Variants in MAPK8IP3 observed in about 807,000 individuals in gnomAD.
The protein encoded by MAPK8IP3 is C-Jun-amino-terminal kinase-interacting protein 3.
Under a neutral mutation model 157.8 loss-of-function variants are expected in MAPK8IP3, and 49 were observed. The observed-to-expected ratio is 0.31, with a 90% CI of 0.25 to 0.39. The LOEUF (loss-of-function observed/expected upper bound fraction) is 0.39. Ranked by LOEUF, MAPK8IP3 falls within the 10% of genes least tolerant of loss-of-function variation. The probability of loss-of-function intolerance (pLI) is 1.00; values close to 1 mark genes in which losing one functional copy is unlikely to be tolerated. For missense variants in MAPK8IP3, 1,478 were observed against 1,889.4 expected (o/e 0.78, Z 4.04); for synonymous variants, 897 against 777.7 (o/e 1.15, Z -2.55).
intron 1 of MAPK8IP3, among the ~76,000 whole-genome samples, chr16:1,716,895 TAA>T: frequency 6.6e-6 from 1 of 151,642 alleles, no homozygotes; most frequent in Non-Finnish European, 1.5e-5. Flanking sequence ...CCATCTTTAC[TAA>T]AAATAAAAAA....
intron 8 of MAPK8IP3, among the ~76,000 whole-genome samples, chr16:1,755,539 C>T (rs1314084375): frequency 6.6e-6 from 1 of 151,934 alleles, no homozygotes; most frequent in Non-Finnish European, 1.5e-5. Flanking sequence ...ATAAGAACGT[C>T]AACAAAGGAT....
chr16:1,744,445 G>T, intron 5 of MAPK8IP3: 1 of 985,892 alleles, frequency 1.0e-6, no homozygotes, highest in Non-Finnish European at 1.2e-6. Context: ...CCCACCTGCT[G>T]CTGCGCTGCT....
intron 9 of MAPK8IP3, 109 bp downstream of exon 9, chr16:1,758,268 A>C (rs2041734884): frequency 3.1e-6 from 4 of 1,293,318 alleles, no homozygotes; most frequent in Non-Finnish European, 4.4e-6. Context: ...ACTGCCCCCC[A>C]CGTCGCCGCA....
intron 6 of MAPK8IP3, among the ~76,000 whole-genome samples, chr16:1,747,577 C>G (rs2041041781): frequency 6.6e-6 from 1 of 152,222 alleles, no homozygotes; most frequent in Non-Finnish European, 1.5e-5. Flanking sequence ...ACCACGTGAC[C>G]TCATTTTACC....
rs1391178299 is a variant in MAPK8IP3, at chr16:1,767,696, C to G, written c.3370C>G (p.Gln1124Glu). ...LYHAHTHQHLQDVDIEPYVSK... is the reference protein window; with the variant it reads ...LYHAHTHQHLEDVDIEPYVSK... Reference sequence around the variant, plus strand: ...CCATGCACACACGCACCAGCATCTACAGGACGTGGACATTGAGCCCTACGT... The same window carrying G: ...CCATGCACACACGCACCAGCATCTAGAGGACGTGGACATTGAGCCCTACGT... The change falls in exon 27 of 32, where the codon CAG (glutamine) becomes GAG (glutamate). Residue 1124 changes from glutamine (Q) to glutamate (E), a missense_variant. Around this residue, in one of 11 missense-constraint regions of MAPK8IP3, gnomAD observed 68 missense variants for 125.1 expected, o/e 0.54. Coordinates refer to ENST00000610761, the MANE Select transcript of MAPK8IP3 (RefSeq NM_001318852.2). 1.2e-6 allele frequency: 2 copies of G among 1,612,670 alleles called. No individual in the cohort carries two copies. Among genetic ancestry groups the G allele is most frequent in the Non-Finnish European group, 1.7e-6 (2 of 1,179,970 alleles).
chr16:1,767,530 C>T (rs2042343705), intron 26 of MAPK8IP3, 34 bp from the exon 27 acceptor site: 1 of 1,601,832 alleles, frequency 6.2e-7, no homozygotes, highest in Non-Finnish European at 8.5e-7. Context: ...TCTCCTCTCC[C>T]CAGCCCTGTT....
chr16:1,753,272 T>C (rs1048061122), intron 8 of MAPK8IP3, among the ~76,000 whole-genome samples: 2 of 152,092 alleles, frequency 1.3e-5, no homozygotes, highest in African/African-American at 2.4e-5. Flanking sequence ...ATTTTAAGAC[T>C]TTTTTGTTTG....
chr16:1,743,541 G>A lies in MAPK8IP3; in HGVS notation c.747+65G>A, dbSNP rs1298089300. ...TTGCTGGTGTTCCCCGTTCACTGGGGCGGGAGCCTCGTCTGCAGGCAGCCC... is the reference window on the plus strand; with the variant it reads ...TTGCTGGTGTTCCCCGTTCACTGGGACGGGAGCCTCGTCTGCAGGCAGCCC... On this transcript the variant is annotated intron_variant, in intron 5 of 31. Transcript: ENST00000610761. This position sits in a 1 kb window ranked among gnomAD's most constrained non-coding sequence, Gnocchi z 5.6. The A allele has an allele frequency of 1.3e-6, 2 of 1,563,440 alleles. No homozygotes were observed. The highest frequency in any genetic ancestry group is 1.7e-6 in the Non-Finnish European group (2 of 1,163,426).
At chr16:1,748,979 C>T in intron 8 of MAPK8IP3, 2 of 601,906 alleles carry the variant, frequency 3.3e-6, no homozygotes, top group South Asian at 1.5e-5. Flanking sequence ...TTTGCACCCT[C>T]CCGTGTACTC....
chr16:1,750,989 T>TG (rs2041256402), intron 8 of MAPK8IP3, among the ~76,000 whole-genome samples: 1 of 151,984 alleles, frequency 6.6e-6, no homozygotes, highest in African/African-American at 2.4e-5. Flanking sequence ...CCATGGCCCA[T>TG]GGCCCACAGA....
At chr16:1,765,519 C>G (rs568604080) in intron 20 of MAPK8IP3, among the ~76,000 whole-genome samples, 158 of 152,296 alleles carry the variant, frequency 1.0e-3, no homozygotes, top group African/African-American at 3.8e-3. Context: ...CCAGTTGGGC[C>G]GAAGGGGCTA....
intron 4 of MAPK8IP3, among the ~76,000 whole-genome samples, chr16:1,739,544 G>A (rs1397079457): frequency 3.7e-4 from 50 of 134,468 alleles, no homozygotes; most frequent in African/African-American, 1.2e-3. Flanking sequence ...GTGACCATCC[G>A]TGTGAGCATC....
At chr16:1,767,991 A>G in intron 28 of MAPK8IP3, 73 bp downstream of exon 28, 1 of 1,609,214 alleles carries the variant, frequency 6.2e-7, no homozygotes, top group Non-Finnish European at 8.5e-7. Context: ...GTGGCTCTGC[A>G]GGGCCACCTT....
chr16:1,720,574 A>G (rs1186962109), intron 1 of MAPK8IP3, among the ~76,000 whole-genome samples: 2 of 152,190 alleles, frequency 1.3e-5, no homozygotes, highest in African/African-American at 4.8e-5. Flanking sequence ...ACACATACAA[A>G]TCCAGAAGCA....
chr16:1,736,253 T>C (rs1199645056), intron 4 of MAPK8IP3, among the ~76,000 whole-genome samples: 54 of 69,408 alleles, frequency 7.8e-4, no homozygotes, highest in East Asian at 2.2e-3. Context: ...AGCGTGTGAC[T>C]GTCCGTGTGA....
intron 4 of MAPK8IP3, among the ~76,000 whole-genome samples, chr16:1,737,700 A>G (rs1316720619): frequency 1.4e-5 from 1 of 70,420 alleles, no homozygotes; most frequent in Non-Finnish European, 2.5e-5. Context: ...GTGACCATCC[A>G]TGTGAGCATC....
Position 1,768,934 on chromosome 16 carries a change from A to C in MAPK8IP3, c.*110A>C. 4.6e-6 allele frequency: 6 copies of C among 1,290,510 alleles called. No homozygotes were observed. The highest frequency in any genetic ancestry group is 5.4e-6 in the Non-Finnish European group (5 of 933,708). 79.9% of individuals were successfully genotyped at this position (1,290,510 alleles called of 1,614,324 possible). ...GCCGCCGCCCCTCTTCTAACCTCTC[A>C]ACCTGCAGCTTTCACCTGAGTCTGG... On this transcript the variant is annotated 3_prime_UTR_variant, in exon 32 of 32. Transcript: ENST00000610761.
At chr16:1,717,235 C>CAA (rs1169533483) in intron 1 of MAPK8IP3, among the ~76,000 whole-genome samples, 5 of 60,420 alleles carry the variant, frequency 8.3e-5, no homozygotes, top group South Asian at 1.1e-3. Flanking sequence ...AACTCCATCT[C>CAA]AAAAAAAAAA....
chr16:1,769,133 C>G lies in MAPK8IP3; in HGVS notation c.*309C>G, dbSNP rs572454301. On this transcript the variant is annotated 3_prime_UTR_variant, in exon 32 of 32. Transcript: ENST00000610761. The stretch of plus-strand genomic sequence containing the variant: ...CCTTGGGCCCAGCGCAGGCAGAATC[C>G]GAGGTGGTCCTGGCTCTACCCTGGG... 2 of 405,296 alleles carry G rather than the reference C, an allele frequency of 4.9e-6. No individual in the cohort carries two copies. Among genetic ancestry groups the G allele is most frequent in the East Asian group, 1.1e-4 (2 of 18,966 alleles). The allele number at this position is 405,296 out of a possible 1,614,324, so 25.1% of individuals were successfully genotyped here.
Sources: allele counts gnomAD v4.1 joint callset (sites outside exome capture counted in the v4.1 genomes callset), GRCh38; gene constraint gnomAD v4.1.1; regional missense constraint gnomAD v4.1.1; non-coding constraint Gnocchi (gnomAD v3.1); transcripts MANE v1.5; gene names NCBI Gene and HGNC (gene_info 2026-07-23, HGNC 2026-07-21).